ST3GAL3: variants seen among roughly 807,000 people sequenced by gnomAD.
The protein encoded by ST3GAL3 is CMP-N-acetylneuraminate-beta-1,4-galactoside alpha-2,3-sialyltransferase.
A neutral mutation model predicts 50.1 loss-of-function variants in ST3GAL3; 21 were observed. That is an observed-to-expected ratio of 0.42 (90% CI 0.30 to 0.60). ST3GAL3 has a LOEUF of 0.60. Ranked by LOEUF, ST3GAL3 falls within the 20% of genes least tolerant of loss-of-function variation. The pLI, the probability that ST3GAL3 is intolerant of heterozygous loss-of-function variation, is 0.19. For synonymous variants in ST3GAL3, 183 were observed against 190.0 expected (o/e 0.96, Z 0.30); for missense variants, 353 against 489.4 (o/e 0.72, Z 2.63).
At chr1:43,782,454 A>C (rs2154143517) in intron 2 of ST3GAL3, among the ~76,000 whole-genome samples, 1 of 152,286 alleles carries the variant, frequency 6.6e-6, no homozygotes, top group Non-Finnish European at 1.5e-5. Context: ...TTTTCTGAAA[A>C]ATATATAGTG....
At chr1:43,841,665 T>G (rs1324590200) in intron 5 of ST3GAL3, 1 of 152,246 alleles carries the variant, frequency 6.6e-6, no homozygotes, top group Non-Finnish European at 1.5e-5. Context: ...AGGGGCTACC[T>G]CAATAATCTC....
chr1:43,876,703 T>C (rs2074180902), intron 5 of ST3GAL3, among the ~76,000 whole-genome samples: 1 of 152,184 alleles, frequency 6.6e-6, no homozygotes, highest in African/African-American at 2.4e-5. Context: ...TGGTCCTCCT[T>C]CCTGGTGGTT....
At chr1:43,766,081 A>G (rs1692839988) in intron 2 of ST3GAL3, among the ~76,000 whole-genome samples, 1 of 152,184 alleles carries the variant, frequency 6.6e-6, no homozygotes, top group Non-Finnish European at 1.5e-5. Flanking sequence ...TAAAAAATCC[A>G]GTGGAGGAAA....
rs72888761 is a variant in ST3GAL3 at position 43,894,649 on chromosome 1, T to C, written c.397+172T>C. Reference sequence around the variant, plus strand: ...CCTTTTTTTGTTTGTTTGTTTGTTTTTTTTTTTTGAGATAGATCCTTGCTC... The same window carrying C: ...CCTTTTTTTGTTTGTTTGTTTGTTTCTTTTTTTTGAGATAGATCCTTGCTC... On this transcript the variant is annotated intron_variant, in intron 6 of 11. Transcript: ENST00000347631. 0.012 allele frequency among the ~76,000 whole-genome samples: 1,814 copies of C among 151,886 alleles called. 15 individuals are homozygous for C. Among genetic ancestry groups the C allele is most frequent in the Non-Finnish European group, 0.018 (1,204 of 67,904 alleles).
At chr1:43,844,639 G>C (rs1020298455) in intron 5 of ST3GAL3, among the ~76,000 whole-genome samples, 1 of 152,012 alleles carries the variant, frequency 6.6e-6, no homozygotes, top group Admixed American at 6.6e-5. Flanking sequence ...GTGAAACCCC[G>C]TCTCTACCAA....
intron 5 of ST3GAL3, among the ~76,000 whole-genome samples, chr1:43,848,488 A>G (rs1200484141): frequency 1.3e-5 from 2 of 151,758 alleles, no homozygotes; most frequent in Non-Finnish European, 2.9e-5. Flanking sequence ...TATTTTTAGT[A>G]GAGACGGGGT....
In ST3GAL3 at chr1:43,800,090, T is replaced by G. The variant is rs187091331; in HGVS notation, c.166+7941T>G. On this transcript the variant is annotated intron_variant, in intron 3 of 11. Coordinates refer to ENST00000347631, the MANE Select transcript of ST3GAL3 (RefSeq NM_006279.5). ...CTCCCTTGGCCCCCAGTATGCCACG[T>G]TGGAGAAGAGCTGTGCTGTGCTCAG... 3.3e-3 allele frequency among the ~76,000 whole-genome samples: 500 copies of G among 152,178 alleles called. 4 individuals carry two copies. The highest frequency in any genetic ancestry group is 0.012 in the African/African-American group (484 of 41,518).
At chr1:43,882,052 G>A (rs900374846) in intron 5 of ST3GAL3, among the ~76,000 whole-genome samples, 9 of 152,336 alleles carry the variant, frequency 5.9e-5, no homozygotes, top group Admixed American at 3.3e-4. Context: ...CACAGCCTGC[G>A]GGGGAACTGG....
intron 5 of ST3GAL3, chr1:43,839,207 A>C (rs1352013262): frequency 6.6e-6 from 1 of 152,362 alleles, no homozygotes; most frequent in African/African-American, 2.4e-5. Context: ...TTTCTTTTCT[A>C]ACGTGAGCAG....
intron 5 of ST3GAL3, among the ~76,000 whole-genome samples, chr1:43,846,178 T>G (rs1254768972): frequency 6.6e-6 from 1 of 152,232 alleles, no homozygotes; most frequent in African/African-American, 2.4e-5. Flanking sequence ...TCCTGTATCC[T>G]TACTGACTTT....
At chr1:43,773,363 T>C (rs1696038391) in intron 2 of ST3GAL3, among the ~76,000 whole-genome samples, 1 of 152,190 alleles carries the variant, frequency 6.6e-6, no homozygotes, top group Non-Finnish European at 1.5e-5. Context: ...TACTACATGC[T>C]CTGGTCCCAG....
chr1:43,768,447 T>A (rs1178885802), intron 2 of ST3GAL3, among the ~76,000 whole-genome samples: 1 of 151,932 alleles, frequency 6.6e-6, no homozygotes, highest in Non-Finnish European at 1.5e-5. Context: ...TCTCTAAAAA[T>A]AAAAAATAAA....
At chr1:43,868,591 A>G (rs3791092) in intron 5 of ST3GAL3, among the ~76,000 whole-genome samples, 30,883 of 152,058 alleles carry the variant, frequency 0.2, 4,051 homozygotes, top group African/African-American at 0.35. Flanking sequence ...TTCTTCCTGG[A>G]AAGGAGCAGT....
At chr1:43,800,867 G>A (rs1291084654) in intron 3 of ST3GAL3, among the ~76,000 whole-genome samples, 1 of 152,178 alleles carries the variant, frequency 6.6e-6, no homozygotes. Flanking sequence ...TATTACATAT[G>A]TTTAATATAC....
intron 2 of ST3GAL3, among the ~76,000 whole-genome samples, chr1:43,742,753 C>G (rs1372338636): frequency 1.3e-5 from 2 of 152,106 alleles, no homozygotes; most frequent in East Asian, 3.9e-4. Flanking sequence ...AAAAAAGAAC[C>G]AAATGCAAAT....
At chr1:43,877,644 A>AT (rs1422422648) in intron 5 of ST3GAL3, among the ~76,000 whole-genome samples, 3 of 152,204 alleles carry the variant, frequency 2.0e-5, no homozygotes, top group Non-Finnish European at 4.4e-5. Context: ...TAAGTTTGAG[A>AT]TGGAGATTCA....
At chr1:43,875,203 T>C (rs1258981948) in intron 5 of ST3GAL3, among the ~76,000 whole-genome samples, 2 of 152,106 alleles carry the variant, frequency 1.3e-5, no homozygotes, top group African/African-American at 4.8e-5. Flanking sequence ...GTCAAACCAA[T>C]GGCTTGATGA....
intron 5 of ST3GAL3, chr1:43,879,109 T>A (rs2074640720): frequency 2.2e-6 from 1 of 452,584 alleles, no homozygotes; most frequent in Non-Finnish European, 4.4e-6. Flanking sequence ...AAGACGTCCC[T>A]GAGGAGGTGA....
intron 1 of ST3GAL3, chr1:43,709,429 C>G (rs1173755142): frequency 6.6e-6 from 1 of 151,982 alleles, no homozygotes; most frequent in African/African-American, 2.4e-5. Flanking sequence ...CCCTCTGTCA[C>G]CCATGCTGGA....
Sources: gnomAD v4.1 joint callset for allele counts (sites outside exome capture counted in the v4.1 genomes callset) on GRCh38, gnomAD v4.1.1 for gene constraint, MANE v1.5 for transcripts, NCBI Gene and HGNC (gene_info 2026-07-23, HGNC 2026-07-21) for gene names.